Variants in ZFHX3 observed in about 807,000 individuals in gnomAD.
The protein encoded by ZFHX3 is zinc finger homeobox protein 3.
A neutral mutation model predicts 279.1 loss-of-function variants in ZFHX3; 42 were observed. That is an observed-to-expected ratio of 0.15 (90% CI 0.12 to 0.19). ZFHX3 has a LOEUF of 0.19. Ranked by LOEUF, ZFHX3 falls within the 10% of genes least tolerant of loss-of-function variation. The pLI, the probability that ZFHX3 is intolerant of heterozygous loss-of-function variation, is 1.00. For synonymous variants in ZFHX3, 2,293 were observed against 1,957.8 expected (o/e 1.17, Z -4.52); for missense variants, 4,981 against 4,754.0 (o/e 1.05, Z -1.40).
chr16:73,388,482 T>A (rs982550549), intron 3 of ZFHX3, among the ~76,000 whole-genome samples: 2 of 152,104 alleles, frequency 1.3e-5, no homozygotes, highest in South Asian at 4.1e-4. Flanking sequence ...AATATCCTAG[T>A]CCCTGCACTA....
At chr16:73,699,073 C>G (rs950390128) in intron 1 of ZFHX3, among the ~76,000 whole-genome samples, 5 of 152,100 alleles carry the variant, frequency 3.3e-5, no homozygotes, top group African/African-American at 1.2e-4. Flanking sequence ...TTAGTAGAGA[C>G]AAGGTTTCAC....
intron 7 of ZFHX3, among the ~76,000 whole-genome samples, chr16:72,810,288 T>C (rs2036404139): frequency 6.6e-6 from 1 of 151,730 alleles, no homozygotes; most frequent in South Asian, 2.1e-4. Context: ...CGGGTTCAAG[T>C]GATTCTCCTG....
chr16:73,448,852 C>T (rs2143554287), intron 3 of ZFHX3, among the ~76,000 whole-genome samples: 1 of 151,860 alleles, frequency 6.6e-6, no homozygotes, highest in East Asian at 1.9e-4. Context: ...TCTTAAAGAA[C>T]AAAGAAAAAA....
rs1337758906 is a variant in ZFHX3, at chr16:73,152,473, C to T, written c.-1103-8642G>A. On this transcript the variant is annotated intron_variant, in intron 5 of 17. Coordinates refer to the ZFHX3 transcript ENST00000641206. ...ATAAATGAAATTATTAAGGACAGGG[C>T]CCATTTCAAGGAACATTTTCAGAGT... is the stretch of plus-strand genomic sequence containing the variant. Among the ~76,000 whole-genome samples, 5 of 151,954 alleles carry T rather than the reference C, an allele frequency of 3.3e-5. No individual in the cohort carries two copies. In the East Asian group the frequency reaches 9.6e-4, roughly 29 times the overall value.
intron 1 of ZFHX3, among the ~76,000 whole-genome samples, chr16:73,864,721 A>G (rs1203244703): frequency 2.0e-5 from 3 of 152,164 alleles, no homozygotes; most frequent in African/African-American, 7.2e-5. Context: ...CTCTGTCTCA[A>G]TCAATCAATC....
intron 3 of ZFHX3, among the ~76,000 whole-genome samples, chr16:72,910,828 T>A (rs2039298560): frequency 6.6e-6 from 1 of 152,226 alleles, no homozygotes; most frequent in Admixed American, 6.5e-5. Flanking sequence ...ACAGGGTTTC[T>A]GGCTGTACAT....
intron 2 of ZFHX3, among the ~76,000 whole-genome samples, chr16:73,484,566 G>T (rs962979385): frequency 1.3e-5 from 2 of 152,152 alleles, no homozygotes; most frequent in African/African-American, 4.8e-5. Flanking sequence ...AGAATGGTCC[G>T]TTCGGGGCCA....
intron 3 of ZFHX3, among the ~76,000 whole-genome samples, chr16:73,319,393 G>A (rs866254306): frequency 2.6e-5 from 4 of 152,144 alleles, no homozygotes; most frequent in Middle Eastern, 6.8e-3. Flanking sequence ...TGGCAATAGG[G>A]GATAGGGAAG....
At chr16:73,169,922 T>C (rs1273088322) in intron 5 of ZFHX3, among the ~76,000 whole-genome samples, 1 of 152,210 alleles carries the variant, frequency 6.6e-6, no homozygotes, top group East Asian at 1.9e-4. Context: ...TCCTACTCTG[T>C]ACTCTTCCTT....
At chr16:73,443,323 G>A (rs1423837051) in intron 3 of ZFHX3, among the ~76,000 whole-genome samples, 2 of 152,190 alleles carry the variant, frequency 1.3e-5, no homozygotes, top group Non-Finnish European at 2.9e-5. Flanking sequence ...GTGTCTGTGT[G>A]TACATTTTTC....
At chr16:73,457,351 C>T (rs1389655557) in intron 2 of ZFHX3, among the ~76,000 whole-genome samples, 2 of 152,258 alleles carry the variant, frequency 1.3e-5, no homozygotes, top group East Asian at 3.9e-4. Context: ...CGGTGGCAGC[C>T]CCAGAGCGCC....
rs116847618 is a variant in ZFHX3, at chr16:73,396,766, G to C, written c.-1291+59237C>G. Among the ~76,000 whole-genome samples, 175 of 152,296 alleles carry C rather than the reference G, an allele frequency of 1.1e-3. 1 individual carries two copies. In the East Asian group the frequency reaches 0.028, roughly 25 times the overall value. The stretch of plus-strand genomic sequence containing the variant: ...TCCCACCAGGTCCCTCCCTCGACAT[G>C]TAGGGGTTACAATTAAAGATGAGAG... On this transcript the variant is annotated intron_variant, in intron 3 of 17. Coordinates refer to the ZFHX3 transcript ENST00000641206.
intron 4 of ZFHX3, among the ~76,000 whole-genome samples, chr16:73,262,588 GA>G (rs1225128036): frequency 2.0e-5 from 3 of 152,188 alleles, no homozygotes; most frequent in African/African-American, 7.2e-5. Flanking sequence ...GGCTTGAGGA[GA>G]CAAAGTGGTT....
At chr16:73,290,966 C>T (rs1597265752) in intron 4 of ZFHX3, among the ~76,000 whole-genome samples, 1 of 152,166 alleles carries the variant, frequency 6.6e-6, no homozygotes, top group Non-Finnish European at 1.5e-5. Context: ...TCATGAGAAC[C>T]TTCTGACCAG....
intron 3 of ZFHX3, among the ~76,000 whole-genome samples, chr16:72,913,079 G>A (rs912670286): frequency 3.3e-5 from 5 of 152,176 alleles, no homozygotes; most frequent in African/African-American, 1.2e-4. Flanking sequence ...TGAAATTTTT[G>A]TGTCTGAAAT....
At chr16:73,499,364 A>C (rs1352477118) in intron 2 of ZFHX3, 3 of 152,200 alleles carry the variant, frequency 2.0e-5, no homozygotes, top group African/African-American at 7.2e-5. Flanking sequence ...TGGGTTTGAG[A>C]GGTGGGTAAC....
intron 2 of ZFHX3, among the ~76,000 whole-genome samples, chr16:73,541,541 C>G (rs1049020555): frequency 6.6e-6 from 1 of 151,996 alleles, no homozygotes; most frequent in Admixed American, 6.6e-5. Context: ...ATCAAACACA[C>G]AAAACTAGGA....
chr16:73,628,081 A>G (rs1011301704), intron 2 of ZFHX3, among the ~76,000 whole-genome samples: 15 of 152,106 alleles, frequency 9.9e-5, no homozygotes, highest in African/African-American at 3.6e-4. Flanking sequence ...ATCCTAGCAC[A>G]ATGGTATCTA....
intron 4 of ZFHX3, among the ~76,000 whole-genome samples, chr16:72,854,204 C>T (rs918799827): frequency 1.3e-5 from 2 of 152,222 alleles, no homozygotes; most frequent in Non-Finnish European, 2.9e-5. Flanking sequence ...CCTTGCTTCT[C>T]TCCCTCCCCT....
Sources: allele counts gnomAD v4.1 joint callset (sites outside exome capture counted in the v4.1 genomes callset), GRCh38; gene constraint gnomAD v4.1.1; transcripts MANE v1.5; gene names NCBI Gene and HGNC (gene_info 2026-07-23, HGNC 2026-07-21).